PAK3: variants seen among roughly 807,000 people sequenced by gnomAD.
The protein encoded by PAK3 is p21 (RAC1) activated kinase 3, also known as serine/threonine-protein kinase PAK 3.
A neutral mutation model predicts 41.0 loss-of-function variants in PAK3; 4 were observed. The observed-to-expected ratio is 0.10, with a 90% CI of 0.05 to 0.22. The LOEUF is 0.22. Among genes scored for constraint, PAK3 ranks in the 10% least tolerant of loss-of-function variants. The probability of loss-of-function intolerance (pLI) is 1.00; values close to 1 mark genes in which losing one functional copy is unlikely to be tolerated. For synonymous variants in PAK3, 146 were observed against 139.6 expected (o/e 1.05, Z -0.32); for missense variants, 205 against 409.9 (o/e 0.50, Z 4.32).
chrX:111,174,937 C>T (rs371074879), intron 11 of PAK3, among the ~76,000 whole-genome samples: 3 of 111,118 alleles, frequency 2.7e-5, no homozygotes, highest in East Asian at 2.8e-4. Flanking sequence ...TTTCTCCCAC[C>T]GGGAATTTTC....
intron 1 of PAK3, among the ~76,000 whole-genome samples, chrX:110,976,168 A>G (rs764822733): frequency 8.9e-6 from 1 of 112,464 alleles, no homozygotes; most frequent in Non-Finnish European, 1.9e-5. Context: ...TAGAGTGAAC[A>G]GGCAACCTAC....
intron 1 of PAK3, among the ~76,000 whole-genome samples, chrX:110,979,848 G>A (rs2091419304): frequency 8.9e-6 from 1 of 112,099 alleles, no homozygotes; most frequent in Non-Finnish European, 1.9e-5. Context: ...TAGGTTAGAA[G>A]TCCTGGCAGA....
intron 7 of PAK3, among the ~76,000 whole-genome samples, chrX:111,149,004 G>A (rs935331140): frequency 2.7e-5 from 3 of 111,778 alleles, no homozygotes; most frequent in South Asian, 3.8e-4. Flanking sequence ...AAAATCAAAA[G>A]TAAGCTAGTT....
intron 1 of PAK3, among the ~76,000 whole-genome samples, chrX:111,087,416 A>G (rs925267147): frequency 3.8e-4 from 16 of 42,078 alleles, no homozygotes; most frequent in African/African-American, 4.0e-5. Context: ...AAGTTCTTGC[A>G]TTATTACAAA....
At position 110,996,040 on chromosome X, in the gene PAK3, G is replaced by A. The variant is rs2210994; in HGVS notation, c.-28+51412G>A. Among the ~76,000 whole-genome samples, 907 of 111,679 alleles carry A rather than the reference G, an allele frequency of 8.1e-3. 8 individuals are homozygous for A. Among genetic ancestry groups the A allele is most frequent in the African/African-American group, 0.027 (841 of 30,722 alleles). ...CTCAAACTCATTGGTTCTCAGGCTT[G>A]CTTCAAATTGAGAATCACTCAGAGA... On this transcript the variant is annotated intron_variant, in intron 1 of 14. Coordinates refer to the PAK3 transcript ENST00000425146.
chrX:111,084,347 T>C (rs991446802), intron 1 of PAK3, among the ~76,000 whole-genome samples: 1 of 112,917 alleles, frequency 8.9e-6, no homozygotes, highest in African/African-American at 3.2e-5. Context: ...GAATGTGTTA[T>C]ATATTCAACA....
chrX:111,117,794 C>T (rs142762721), intron 4 of PAK3, among the ~76,000 whole-genome samples: 1,734 of 111,846 alleles, frequency 0.016, 16 homozygotes, highest in Middle Eastern at 0.032. Context: ...TGTATAATTA[C>T]GACTGAGGGG....
rs747204832 is a variant in PAK3 at position 110,973,714 on chromosome X, A to C, written c.-28+29086A>C. 4.6e-3 allele frequency among the ~76,000 whole-genome samples: 513 copies of C among 112,198 alleles called. 3 individuals are homozygous for C. Among genetic ancestry groups the C allele is most frequent in the African/African-American group, 0.016 (491 of 30,894 alleles). On this transcript the variant is annotated intron_variant, in intron 1 of 14. Coordinates refer to the PAK3 transcript ENST00000425146. Reference sequence around the variant, plus strand: ...GACAGGATCAAATTCACACATACCAATATTAACCTTAAATGTAAATGGGCT... The same window carrying C: ...GACAGGATCAAATTCACACATACCACTATTAACCTTAAATGTAAATGGGCT...
At chrX:110,953,710 G>C (rs2090792627) in intron 1 of PAK3, among the ~76,000 whole-genome samples, 1 of 111,821 alleles carries the variant, frequency 8.9e-6, no homozygotes, top group Non-Finnish European at 1.9e-5. Context: ...AGAAATCTAT[G>C]ATATGAAACT....
chrX:110,972,881 A>G (rs892723635), intron 1 of PAK3, among the ~76,000 whole-genome samples: 2 of 111,811 alleles, frequency 1.8e-5, no homozygotes, highest in Admixed American at 1.9e-4. Context: ...GACCTGATGG[A>G]GCTGAAAATC....
chrX:111,072,306 T>A (rs373376089), intron 1 of PAK3, among the ~76,000 whole-genome samples: 2 of 113,044 alleles, frequency 1.8e-5, no homozygotes, highest in East Asian at 2.8e-4. Context: ...ATTTTAAAAA[T>A]ACTGCATGTT....
intron 1 of PAK3, among the ~76,000 whole-genome samples, chrX:111,063,267 G>C (rs1454406335): frequency 8.9e-6 from 1 of 112,328 alleles, no homozygotes; most frequent in Non-Finnish European, 1.9e-5. Flanking sequence ...CAGTGGGAGA[G>C]AGGACAAAAA....
At chrX:111,102,199 G>A (rs767822736) in intron 3 of PAK3, among the ~76,000 whole-genome samples, 1 of 111,615 alleles carries the variant, frequency 9.0e-6, no homozygotes, top group Non-Finnish European at 1.9e-5. Context: ...CCTCTCCCTT[G>A]AGAGGCTCAA....
chrX:111,036,568 G>GC (rs1292032849), intron 1 of PAK3, among the ~76,000 whole-genome samples: 2 of 111,677 alleles, frequency 1.8e-5, no homozygotes, highest in Non-Finnish European at 3.8e-5. Flanking sequence ...AGGGGAAACT[G>GC]CCCCCCATGA....
At chrX:111,129,025 A>T (rs1480365317) in intron 5 of PAK3, among the ~76,000 whole-genome samples, 3 of 111,265 alleles carry the variant, frequency 2.7e-5, no homozygotes, top group Non-Finnish European at 5.7e-5. Context: ...TATTGTTCTA[A>T]TTCCTAGAGT....
intron 1 of PAK3, among the ~76,000 whole-genome samples, chrX:111,055,574 C>T (rs762666641): frequency 8.9e-6 from 1 of 112,191 alleles, no homozygotes; most frequent in Non-Finnish European, 1.9e-5. Flanking sequence ...TCCCTTCTTC[C>T]CCAGGAACAA....
At chrX:111,096,022 T>C (rs1045299853), upstream of PAK3, among the ~76,000 whole-genome samples, 3 of 111,649 alleles carry the variant, frequency 2.7e-5, no homozygotes, top group African/African-American at 9.8e-5. Flanking sequence ...CTTCAGTTTT[T>C]TCCCCCTCCC....
intron 5 of PAK3, 51 bp from the exon 6 acceptor site, chrX:111,142,045 G>A (rs1569398282): frequency 1.4e-6 from 1 of 703,172 alleles, no homozygotes; most frequent in African/African-American, 2.1e-5. Flanking sequence ...TACAACTTGT[G>A]GATGCCAAAA....
At position 111,004,478 on chromosome X, in the gene PAK3, AAATT is replaced by A. The variant is rs201720384; in HGVS notation, c.-28+59854_-28+59857del. ...TGTCTATTAAATAATTGGAGAATAA[AAATT>A]AATGGTTGGAGAGAATATTCGTCAT... is the stretch of plus-strand genomic sequence containing the variant. On this transcript the variant is annotated intron_variant, in intron 1 of 14. Transcript: ENST00000425146. Among the ~76,000 whole-genome samples, 927 of 112,387 alleles carry A rather than the reference AAATT, an allele frequency of 8.2e-3. 8 individuals are homozygous for A. The highest frequency in any genetic ancestry group is 0.028 in the African/African-American group (877 of 30,966).
Sources: gnomAD v4.1 joint callset for allele counts (sites outside exome capture counted in the v4.1 genomes callset) on GRCh38, gnomAD v4.1.1 for gene constraint, MANE v1.5 for transcripts, NCBI Gene and HGNC (gene_info 2026-07-23, HGNC 2026-07-21) for gene names.